The following CHODL variants were observed in gnomAD, a reference collection of about 807,000 sequenced individuals.
CHODL encodes the protein transmembrane protein MT75.
A neutral mutation model predicts 34.5 loss-of-function variants in CHODL; 29 were observed. The ratio of observed to expected loss-of-function variants is 0.84; its 90% CI spans 0.63 to 1.15. The LOEUF (loss-of-function observed/expected upper bound fraction) is 1.15. Among genes scored for constraint, CHODL ranks in the 50% most tolerant of loss-of-function variants. The pLI, the probability that CHODL is intolerant of heterozygous loss-of-function variation, is 0.00. For synonymous variants in CHODL, 125 were observed against 116.1 expected (o/e 1.08, Z -0.49); for missense variants, 332 against 332.5 (o/e 1.00, Z 0.01).
rs570454461 is a variant in CHODL, at chr21:18,058,293, G to A, written c.-45+30322G>A. Among the ~76,000 whole-genome samples, 47 of 152,238 alleles carry A rather than the reference G, an allele frequency of 3.1e-4. No homozygotes were observed. The South Asian group carries it at 6.4e-3, about 21-fold the overall frequency. On this transcript the variant is annotated intron_variant, in intron 2 of 6. Transcript: ENST00000400127. ...ACAGCCATATGGAAATCAGTATGGA[G>A]GTTCCTCAAAAAACCAGAAATAGAA... is the stretch of plus-strand genomic sequence containing the variant.
chr21:18,069,999 C>CTTCCCTTCCCTTCCA (rs2064778589), intron 2 of CHODL, among the ~76,000 whole-genome samples: 1 of 71,382 alleles, frequency 1.4e-5, no homozygotes. Context: ...CTTCCCTTCC[C>CTTCCCTTCCCTTCCA]TTCCCTTCCC....
At chr21:18,224,126 A>C (rs2073909276) in intron 2 of CHODL, among the ~76,000 whole-genome samples, 1 of 152,146 alleles carries the variant, frequency 6.6e-6, no homozygotes, top group South Asian at 2.1e-4. Flanking sequence ...CAGTTCCCTG[A>C]ACCCTTCAGT....
intron 2 of CHODL, among the ~76,000 whole-genome samples, chr21:18,068,939 A>G (rs1451796565): frequency 6.6e-6 from 1 of 152,152 alleles, no homozygotes; most frequent in Non-Finnish European, 1.5e-5. Context: ...AGTGGCAGCC[A>G]GAGAATTTAG....
At chr21:17,933,386 GGCCTTCC>G (rs2063291791) in intron 1 of CHODL, among the ~76,000 whole-genome samples, 1 of 152,192 alleles carries the variant, frequency 6.6e-6, no homozygotes, top group Non-Finnish European at 1.5e-5. Flanking sequence ...AGGTCCCTGC[GGCCTTCC>G]GCAGTGTTTG....
chr21:17,992,718 G>GTTTTTTTTTTTTTTTTTTTTTTTT (rs869044440), intron 1 of CHODL, among the ~76,000 whole-genome samples: 1 of 57,228 alleles, frequency 1.7e-5, no homozygotes, highest in African/African-American at 6.5e-5. Flanking sequence ...TGGTGGAGTT[G>GTTTTTTTTTTTTTTTTTTTTTTTT]TTTTTTTTTT....
At chr21:17,943,376 G>T (rs918411282) in intron 1 of CHODL, among the ~76,000 whole-genome samples, 10 of 152,250 alleles carry the variant, frequency 6.6e-5, no homozygotes, top group African/African-American at 2.4e-4. Context: ...TGCCTAAAAA[G>T]TTCCCACAGT....
chr21:17,998,784 C>A (rs1344914639), intron 1 of CHODL, among the ~76,000 whole-genome samples: 2 of 152,190 alleles, frequency 1.3e-5, no homozygotes, highest in Admixed American at 1.3e-4. Flanking sequence ...AGCTTGGGGA[C>A]CCCGGGCCCA....
chr21:18,148,529 C>G lies in CHODL; in HGVS notation c.-44-107980C>G, dbSNP rs1233905111. ...AGTTTAATGTACTTATGCACACACA[C>G]ACAATATTCTTTTTTTAGAAATGGA... On this transcript the variant is annotated intron_variant, in intron 2 of 6. Transcript: ENST00000400127. 2.0e-5 allele frequency among the ~76,000 whole-genome samples: 3 copies of G among 152,050 alleles called. No homozygotes were observed. In the East Asian group the frequency reaches 5.8e-4, roughly 29 times the overall value.
At chr21:18,198,700 G>T (rs1370493057) in intron 2 of CHODL, among the ~76,000 whole-genome samples, 1 of 152,006 alleles carries the variant, frequency 6.6e-6, no homozygotes, top group Non-Finnish European at 1.5e-5. Flanking sequence ...GTGACTCCAG[G>T]ATGTGCCCAT....
At chr21:17,977,787 C>A (rs1235654342) in intron 1 of CHODL, among the ~76,000 whole-genome samples, 14 of 149,316 alleles carry the variant, frequency 9.4e-5, no homozygotes, top group Non-Finnish European at 1.6e-4. Flanking sequence ...GGCATGGTGG[C>A]CGGCACCTGT....
rs546771515 is a variant in CHODL at position 18,200,321 on chromosome 21, A to G, written c.-44-56188A>G. 7.9e-5 allele frequency among the ~76,000 whole-genome samples: 12 copies of G among 152,332 alleles called. No homozygotes were observed. In the South Asian group the frequency reaches 2.3e-3, roughly 29 times the overall value. ...AAAATGTATAAAATTTGCAATATAA[A>G]TTCAATAATCTATTAAATTGAGCTT... On this transcript the variant is annotated intron_variant, in intron 2 of 6. Coordinates refer to the CHODL transcript ENST00000400127.
upstream of CHODL, among the ~76,000 whole-genome samples, chr21:18,243,110 T>G (rs1368413244): frequency 6.6e-6 from 1 of 152,250 alleles, no homozygotes; most frequent in Admixed American, 6.5e-5. Context: ...CCTTGACTGC[T>G]GCTAAAGAAT....
intron 2 of CHODL, among the ~76,000 whole-genome samples, chr21:18,217,573 G>A (rs893268486): frequency 2.0e-5 from 3 of 152,024 alleles, no homozygotes; most frequent in African/African-American, 7.3e-5. Flanking sequence ...ATGAGATTTG[G>A]GTGGGGACAC....
intron 1 of CHODL, among the ~76,000 whole-genome samples, chr21:17,979,559 T>C (rs2063697445): frequency 6.6e-6 from 1 of 152,208 alleles, no homozygotes; most frequent in African/African-American, 2.4e-5. Context: ...TTTTGGTTTA[T>C]TGTAGCTTTA....
At chr21:18,098,232 C>CT (rs952836868) in intron 2 of CHODL, among the ~76,000 whole-genome samples, 9 of 151,838 alleles carry the variant, frequency 5.9e-5, no homozygotes, top group African/African-American at 2.2e-4. Flanking sequence ...AGTTAAAAAG[C>CT]TTTTTTAGAG....
intron 2 of CHODL, among the ~76,000 whole-genome samples, chr21:18,154,682 A>C (rs140326540): frequency 2.8e-4 from 43 of 152,320 alleles, no homozygotes; most frequent in African/African-American, 1.0e-3. Context: ...TGATTGAATA[A>C]CTAAAGGAAG....
chr21:18,211,176 T>TCACACC (rs2073771398), intron 2 of CHODL, among the ~76,000 whole-genome samples: 4 of 130,432 alleles, frequency 3.1e-5, no homozygotes, highest in African/African-American at 1.3e-4. Flanking sequence ...ACACTCACAC[T>TCACACC]CACACCCTGG....
intron 2 of CHODL, among the ~76,000 whole-genome samples, chr21:18,191,531 G>A (rs1353433252): frequency 6.6e-6 from 1 of 152,160 alleles, no homozygotes; most frequent in Non-Finnish European, 1.5e-5. Flanking sequence ...ATTTTAACTT[G>A]TCTTTCTCTG....
chr21:18,135,334 T>C (rs1490640669), intron 2 of CHODL, among the ~76,000 whole-genome samples: 1 of 152,178 alleles, frequency 6.6e-6, no homozygotes, highest in Non-Finnish European at 1.5e-5. Context: ...TTCCCTACTA[T>C]GAGTTATTGA....
Sources: gnomAD v4.1 joint callset for allele counts (sites outside exome capture counted in the v4.1 genomes callset) on GRCh38, gnomAD v4.1.1 for gene constraint, MANE v1.5 for transcripts, NCBI Gene and HGNC (gene_info 2026-07-23, HGNC 2026-07-21) for gene names.